ZNF618: variants seen among roughly 807,000 people sequenced by gnomAD.
ZNF618 encodes zinc finger protein 618, also known as neural precursor cell expressed, developmentally down-regulated 10.
ZNF618 carries 34 observed loss-of-function variants against 103.0 expected under a neutral mutation model. The ratio of observed to expected loss-of-function variants is 0.33; its 90% CI spans 0.25 to 0.44. The LOEUF is 0.44. Among genes scored for constraint, ZNF618 ranks in the 20% least tolerant of loss-of-function variants. ZNF618 has a pLI of 1.00. For missense variants in ZNF618, 1,059 were observed against 1,295.4 expected (o/e 0.82, Z 2.80); for synonymous variants, 551 against 542.2 (o/e 1.02, Z -0.23).
chr9:113,979,668 T>G (rs1838804422), intron 2 of ZNF618, among the ~76,000 whole-genome samples: 1 of 152,236 alleles, frequency 6.6e-6, no homozygotes, highest in Non-Finnish European at 1.5e-5. Flanking sequence ...CATTGACCTT[T>G]CCTGGGCTTG....
At chr9:114,015,963 C>T (rs750996707) in intron 9 of ZNF618, 29 of 679,980 alleles carry the variant, frequency 4.3e-5, no homozygotes, top group Non-Finnish European at 6.9e-5. Context: ...AAGCGCACCC[C>T]AGATGAGACA....
At chr9:114,028,312 A>C (rs4978564) in intron 10 of ZNF618, 178,178 of 180,406 alleles carry the variant, frequency 0.99, 88,011 homozygotes, top group East Asian at 1. Context: ...CCTCTGCCTC[A>C]CCCCCAGCCC....
chr9:113,932,191 A>G (rs1833644524), intron 1 of ZNF618, among the ~76,000 whole-genome samples: 2 of 152,142 alleles, frequency 1.3e-5, no homozygotes, highest in Admixed American at 1.3e-4. Flanking sequence ...GTCAGGAAAG[A>G]CCTCTCTGAT....
intron 9 of ZNF618, among the ~76,000 whole-genome samples, chr9:114,009,599 T>C (rs1209042918): frequency 1.3e-5 from 2 of 152,180 alleles, no homozygotes; most frequent in African/African-American, 4.8e-5. Context: ...TATTTATCTC[T>C]CTGTTTTCTG....
At chr9:113,879,380 G>GTTTT (rs1333621442) in intron 1 of ZNF618, among the ~76,000 whole-genome samples, 2 of 93,036 alleles carry the variant, frequency 2.1e-5, no homozygotes, top group Non-Finnish European at 4.6e-5. Flanking sequence ...TTGTAGAACT[G>GTTTT]TTTTTTTTTT....
intron 1 of ZNF618, among the ~76,000 whole-genome samples, chr9:113,968,492 G>A (rs1319991751): frequency 6.6e-6 from 1 of 152,178 alleles, no homozygotes; most frequent in Non-Finnish European, 1.5e-5. Flanking sequence ...CCTGAGCACT[G>A]GTCTAGGAGT....
intron 12 of ZNF618, among the ~76,000 whole-genome samples, chr9:114,034,621 AGG>A (rs1245254247): frequency 6.6e-6 from 1 of 152,134 alleles, no homozygotes; most frequent in African/African-American, 2.4e-5. Flanking sequence ...TTGCTGCCCT[AGG>A]TCCCCCAGAT....
In ZNF618 at chr9:114,016,704, A is replaced by G. The variant is rs538668115; in HGVS notation, c.764A>G (p.Asn255Ser). Residue 255 changes from asparagine to serine, a missense_variant, in exon 10 of 15, where the codon AAT becomes AGT. Coordinates refer to ENST00000374126, the MANE Select transcript of ZNF618 (RefSeq NM_001318042.2). Reference protein sequence around the residue: ...PFQKIGPKTGNYTCEFCGKQY... With the variant: ...PFQKIGPKTGSYTCEFCGKQY... ...TTTCCTTCCTGGACAGAAACTGGCA[A>G]TTACACCTGTGAATTCTGCGGCAAA... 4 of 1,613,690 alleles carry G rather than the reference A, an allele frequency of 2.5e-6. No homozygotes were observed. The highest frequency in any genetic ancestry group is 2.2e-5 in the South Asian group (2 of 91,024).
chr9:114,039,377 C>T (rs190568725), intron 13 of ZNF618, among the ~76,000 whole-genome samples: 59 of 140,324 alleles, frequency 4.2e-4, no homozygotes, highest in African/African-American at 1.3e-3. Context: ...GACAGAGTCT[C>T]GATCTGTCGC....
chr9:113,920,391 T>C (rs2131622573), intron 1 of ZNF618, among the ~76,000 whole-genome samples: 1 of 143,454 alleles, frequency 7.0e-6, no homozygotes, highest in South Asian at 2.3e-4. Context: ...TTTTTACTTA[T>C]TTTCAGAGTC....
intron 10 of ZNF618, 124 bp downstream of exon 10, chr9:114,016,908 C>A: frequency 1.4e-6 from 1 of 726,008 alleles, no homozygotes; most frequent in South Asian, 1.7e-5. Context: ...AGTTCTGGGT[C>A]AGTCTTTAGG....
intron 3 of ZNF618, among the ~76,000 whole-genome samples, chr9:113,995,275 G>A (rs1364171167): frequency 6.8e-6 from 1 of 147,780 alleles, no homozygotes; most frequent in African/African-American, 2.5e-5. Flanking sequence ...GGATCATAAA[G>A]CTCTACATTC....
chr9:113,997,249 A>C (rs1840707355), intron 3 of ZNF618, among the ~76,000 whole-genome samples: 1 of 151,998 alleles, frequency 6.6e-6, no homozygotes. Context: ...CTGGGACTAC[A>C]GGTGTGCTCC....
chr9:114,007,011 A>G (rs1588314808), intron 6 of ZNF618, among the ~76,000 whole-genome samples: 4 of 152,288 alleles, frequency 2.6e-5, no homozygotes, highest in East Asian at 3.9e-4. Flanking sequence ...CAGAAGTGAT[A>G]TTCTGTCACT....
intron 10 of ZNF618, among the ~76,000 whole-genome samples, chr9:114,019,089 G>A (rs942174149): frequency 1.2e-4 from 19 of 152,298 alleles, no homozygotes; most frequent in African/African-American, 4.3e-4. Context: ...TAGAATTAGT[G>A]TCATAGAATC....
chr9:113,910,696 C>T (rs965310352), intron 1 of ZNF618, among the ~76,000 whole-genome samples: 1 of 152,166 alleles, frequency 6.6e-6, no homozygotes, highest in Non-Finnish European at 1.5e-5. Flanking sequence ...CCCTTTTCTC[C>T]ATCCTCTCTC....
At chr9:114,000,135 G>T (rs1278856792) in intron 4 of ZNF618, among the ~76,000 whole-genome samples, 1 of 152,132 alleles carries the variant, frequency 6.6e-6, no homozygotes, top group Non-Finnish European at 1.5e-5. Context: ...TAAATCCCAC[G>T]CTGGTGTTAG....
At chr9:113,952,883 C>G (rs1835908224) in intron 1 of ZNF618, among the ~76,000 whole-genome samples, 1 of 152,194 alleles carries the variant, frequency 6.6e-6, no homozygotes, top group African/African-American at 2.4e-5. Context: ...AACAGCAAGG[C>G]ACATCTCAGG....
rs780600840 is a variant in ZNF618, at chr9:114,008,342, A to G, written c.641-2A>G. On this transcript the variant is annotated splice_acceptor_variant, in intron 7 of 14. Transcript: ENST00000374126. LOFTEE classifies it high-confidence loss of function. ...CGGCTGCCGCCTCCTGCCCGGGCGCAGTGTTTAGTGTGGAAGGGGCCCCTG... is the reference window on the plus strand; with the variant it reads ...CGGCTGCCGCCTCCTGCCCGGGCGCGGTGTTTAGTGTGGAAGGGGCCCCTG... The G allele has an allele frequency of 1.2e-6, 2 of 1,613,708 alleles. No individual in the cohort carries two copies. The highest frequency in any genetic ancestry group is 1.3e-5 in the African/African-American group (1 of 75,014).
Sources: gnomAD v4.1 joint callset for allele counts (sites outside exome capture counted in the v4.1 genomes callset) on GRCh38, gnomAD v4.1.1 for gene constraint, MANE v1.5 for transcripts, NCBI Gene and HGNC (gene_info 2026-07-23, HGNC 2026-07-21) for gene names.